The following NCKAP5 variants were observed in gnomAD, a reference collection of about 807,000 sequenced individuals.
The protein encoded by NCKAP5 is nck-associated protein 5.
Under a neutral mutation model 167.0 loss-of-function variants are expected in NCKAP5, and 92 were observed. The ratio of observed to expected loss-of-function variants is 0.55; its 90% CI spans 0.47 to 0.66. NCKAP5 has a LOEUF of 0.66. NCKAP5 is among the 30% of genes least tolerant of loss of function. The pLI, the probability that NCKAP5 is intolerant of heterozygous loss-of-function variation, is 0.00. For missense variants in NCKAP5, 2,378 were observed against 2,315.0 expected (o/e 1.03, Z -0.56); for synonymous variants, 891 against 877.4 (o/e 1.02, Z -0.27).
At chr2:132,740,559 G>T (rs76223056) in intron 16 of NCKAP5, among the ~76,000 whole-genome samples, 2,790 of 152,176 alleles carry the variant, frequency 0.018, 83 homozygotes, top group African/African-American at 0.064. Flanking sequence ...GATTATACTG[G>T]TTATTTATTC....
At chr2:132,703,731 C>T (rs1023139772) in intron 19 of NCKAP5, among the ~76,000 whole-genome samples, 8 of 152,150 alleles carry the variant, frequency 5.3e-5, no homozygotes, top group South Asian at 4.1e-4. Context: ...TTATAATGCA[C>T]TTATTTTGTA....
the NCKAP5 span, among the ~76,000 whole-genome samples, chr2:133,586,342 C>A: frequency 1.3e-5 from 2 of 152,116 alleles, no homozygotes; most frequent in African/African-American, 2.4e-5. Flanking sequence ...CGATTCCTGG[C>A]CAGTTCCTGA....
At chr2:132,736,546 C>T (rs986010021) in intron 16 of NCKAP5, among the ~76,000 whole-genome samples, 11 of 151,554 alleles carry the variant, frequency 7.3e-5, no homozygotes, top group East Asian at 3.9e-4. Context: ...TTGGGGAGGC[C>T]GAGGTGGGCG....
chr2:133,551,610 T>C (rs1400053823), intron 2 of NCKAP5, among the ~76,000 whole-genome samples: 15 of 57,618 alleles, frequency 2.6e-4, no homozygotes, highest in Admixed American at 8.5e-4. Context: ...GGATTAAAGA[T>C]TTAAACGTTA....
At chr2:133,343,857 A>G (rs1483706051) in intron 3 of NCKAP5, among the ~76,000 whole-genome samples, 1 of 152,306 alleles carries the variant, frequency 6.6e-6, no homozygotes, top group Middle Eastern at 3.4e-3. Context: ...AGCTTTTGCC[A>G]TAGTGTAAGT....
chr2:132,913,916 A>T (rs190117777), intron 8 of NCKAP5, among the ~76,000 whole-genome samples: 66 of 152,274 alleles, frequency 4.3e-4, no homozygotes, highest in Admixed American at 1.1e-3. Context: ...AAATAATGGA[A>T]TTCAGATTTA....
rs569326719 is a variant in NCKAP5 at position 132,708,691 on chromosome 2, G to A, written c.5713+16936C>T. On this transcript the variant is annotated intron_variant, in intron 19 of 19. Transcript: ENST00000409261. The stretch of plus-strand genomic sequence containing the variant: ...CTTCGCCACCTGCTGACCGTAGAGC[G>A]CTTCATGTGTTTATTACCGATATTT... 2.0e-4 allele frequency among the ~76,000 whole-genome samples: 30 copies of A among 152,306 alleles called. 1 individual carries two copies. The South Asian group carries it at 5.4e-3, about 27-fold the overall frequency.
At chr2:132,762,556 G>A (rs891241792) in intron 16 of NCKAP5, among the ~76,000 whole-genome samples, 1 of 152,178 alleles carries the variant, frequency 6.6e-6, no homozygotes, top group East Asian at 1.9e-4. Flanking sequence ...TACTTAATAT[G>A]TCTCACTGTT....
the NCKAP5 span, among the ~76,000 whole-genome samples, chr2:133,583,837 T>A: frequency 6.6e-6 from 1 of 152,188 alleles, no homozygotes; most frequent in Admixed American, 6.5e-5. Context: ...CACTGCAAGC[T>A]CTGCCTCCTG....
In NCKAP5 at chr2:133,094,258, T is replaced by A. The variant is rs558041995; in HGVS notation, c.341+35720A>T. 2.0e-5 allele frequency among the ~76,000 whole-genome samples: 3 copies of A among 152,252 alleles called. No individual in the cohort carries two copies. In the South Asian group the frequency reaches 6.2e-4, roughly 32 times the overall value. On this transcript the variant is annotated intron_variant, in intron 6 of 19. Transcript: ENST00000409261. ...AAGCAGAGGACAGCTGAGAGAGATA[T>A]AGGAGGGAGCCATTGTGGATTGGTG... is the stretch of plus-strand genomic sequence containing the variant.
chr2:133,021,067 G>A (rs755801879), intron 6 of NCKAP5, among the ~76,000 whole-genome samples: 3 of 152,314 alleles, frequency 2.0e-5, no homozygotes, highest in South Asian at 2.1e-4. Context: ...AAGACCTGGC[G>A]AAATGAAAAC....
intron 2 of NCKAP5, among the ~76,000 whole-genome samples, chr2:133,537,856 A>T (rs548993849): frequency 6.6e-6 from 1 of 152,186 alleles, no homozygotes; most frequent in East Asian, 1.9e-4. Context: ...GACTTCCATC[A>T]TCTTTCACCA....
intron 4 of NCKAP5, among the ~76,000 whole-genome samples, chr2:133,271,285 G>C (rs1365729639): frequency 6.6e-6 from 1 of 151,860 alleles, no homozygotes; most frequent in Non-Finnish European, 1.5e-5. Flanking sequence ...ATTTGCTTAA[G>C]AAGCCAAGAA....
intron 3 of NCKAP5, among the ~76,000 whole-genome samples, chr2:133,372,008 G>C (rs796164226): frequency 6.6e-6 from 1 of 152,184 alleles, no homozygotes; most frequent in Middle Eastern, 3.4e-3. Flanking sequence ...TTAGTAAGAA[G>C]TGCACTCATA....
intron 3 of NCKAP5, among the ~76,000 whole-genome samples, chr2:133,467,440 A>G (rs1692688101): frequency 6.6e-6 from 1 of 152,146 alleles, no homozygotes; most frequent in South Asian, 2.1e-4. Flanking sequence ...TTTTGCATCA[A>G]TGTTCATCAG....
rs186106367 is a variant in NCKAP5 at position 133,244,063 on chromosome 2, A to G, written c.144-30284T>C. 1.2e-4 allele frequency among the ~76,000 whole-genome samples: 19 copies of G among 152,306 alleles called. No individual in the cohort carries two copies. The East Asian group carries it at 2.9e-3, about 23-fold the overall frequency. The stretch of plus-strand genomic sequence containing the variant: ...TGACTGTTTTTCTGCATGGATTTCA[A>G]TCCTATCCCATTCAAAACAGAATCA... On this transcript the variant is annotated intron_variant, in intron 4 of 19. Transcript: ENST00000409261.
In NCKAP5 at chr2:133,302,808, T is replaced by A. The variant is rs575829793; in HGVS notation, c.143+229A>T. Among the ~76,000 whole-genome samples the A allele has an allele frequency of 6.8e-3, 973 of 143,536 alleles. 14 individuals are homozygous for A. The highest frequency in any genetic ancestry group is 0.051 in the South Asian group (224 of 4,402). The allele number at this position is 143,536 out of a possible 152,430, so 94.2% of individuals were successfully genotyped here. The stretch of plus-strand genomic sequence containing the variant: ...AAAAAATAAAAATAAAAAAAATAAA[T>A]AAATAAATAAATAAATAAATCTTGA... On this transcript the variant is annotated intron_variant, in intron 4 of 19. Coordinates refer to ENST00000409261, the MANE Select transcript of NCKAP5 (RefSeq NM_207363.3).
chr2:133,006,540 A>T (rs1387916731), intron 6 of NCKAP5, among the ~76,000 whole-genome samples: 2 of 150,900 alleles, frequency 1.3e-5, no homozygotes, highest in Non-Finnish European at 2.9e-5. Flanking sequence ...GAATGACTTG[A>T]CTAAACTTGA....
At chr2:133,061,593 G>C (rs1011248065) in intron 6 of NCKAP5, among the ~76,000 whole-genome samples, 24 of 152,320 alleles carry the variant, frequency 1.6e-4, no homozygotes, top group African/African-American at 5.8e-4. Flanking sequence ...CAGATCAAGA[G>C]CACAGCTAGG....
Sources: allele counts gnomAD v4.1 joint callset (sites outside exome capture counted in the v4.1 genomes callset), GRCh38; gene constraint gnomAD v4.1.1; transcripts MANE v1.5; gene names NCBI Gene and HGNC (gene_info 2026-07-23, HGNC 2026-07-21).